The following ADAMTSL3 variants were observed in gnomAD, a reference collection of about 807,000 sequenced individuals.
The protein encoded by ADAMTSL3 is ADAMTS-like protein 3.
A neutral mutation model predicts 201.7 loss-of-function variants in ADAMTSL3; 128 were observed. The ratio of observed to expected loss-of-function variants is 0.63; its 90% CI spans 0.55 to 0.73. The LOEUF is 0.73. ADAMTSL3 is among the 30% of genes least tolerant of loss of function. ADAMTSL3 has a pLI of 0.00. For missense variants in ADAMTSL3, 1,990 were observed against 2,119.6 expected, an observed-to-expected ratio of 0.94 and a Z score of 1.20; for synonymous variants, 738 against 748.4, an observed-to-expected ratio of 0.99 and a Z score of 0.23.
intron 4 of ADAMTSL3, among the ~76,000 whole-genome samples, chr15:83,792,207 A>G (rs1198815804): frequency 6.6e-6 from 1 of 152,226 alleles, no homozygotes; most frequent in Non-Finnish European, 1.5e-5. Flanking sequence ...AAGGACCCAA[A>G]TAGACATTTC....
chr15:83,772,950 T>C (rs1391063714), intron 3 of ADAMTSL3, among the ~76,000 whole-genome samples: 1 of 152,176 alleles, frequency 6.6e-6, no homozygotes, highest in Non-Finnish European at 1.5e-5. Context: ...AATAATATAA[T>C]TGATATTTAG....
At chr15:83,890,399 A>G in intron 11 of ADAMTSL3, 152 bp downstream of exon 11, 1 of 988,234 alleles carries the variant, frequency 1.0e-6, no homozygotes, top group Non-Finnish European at 1.5e-6. Flanking sequence ...ACTATGGTGC[A>G]TAGGAATTAG....
intron 3 of ADAMTSL3, among the ~76,000 whole-genome samples, chr15:83,705,620 T>C (rs2061839542): frequency 6.6e-6 from 1 of 151,892 alleles, no homozygotes; most frequent in African/African-American, 2.4e-5. Context: ...AGAGCATCAG[T>C]GGCTGATGCA....
chr15:83,884,338 C>CTT (rs35308485), intron 9 of ADAMTSL3, among the ~76,000 whole-genome samples: 93 of 114,434 alleles, frequency 8.1e-4, no homozygotes, highest in Non-Finnish European at 1.3e-3. Flanking sequence ...GCCCTATTTC[C>CTT]TTTTTTTTTT....
chr15:83,657,601 G>A (rs2061106017), intron 2 of ADAMTSL3, among the ~76,000 whole-genome samples: 1 of 152,242 alleles, frequency 6.6e-6, no homozygotes, highest in Non-Finnish European at 1.5e-5. Flanking sequence ...GTGGAAAAAA[G>A]TGAAAAACCA....
chr15:84,037,162 T>TG (rs1451808357), intron 29 of ADAMTSL3, among the ~76,000 whole-genome samples, 175 bp downstream of exon 29: 1 of 152,106 alleles, frequency 6.6e-6, no homozygotes, highest in Non-Finnish European at 1.5e-5. Context: ...CTCCTTTATG[T>TG]GGGTGCAGCT....
chr15:83,808,583 T>TA (rs1313541089), intron 5 of ADAMTSL3, among the ~76,000 whole-genome samples: 2 of 152,084 alleles, frequency 1.3e-5, no homozygotes, highest in African/African-American at 4.8e-5. Context: ...CCTCAAAATT[T>TA]AAAAAATAGA....
intron 16 of ADAMTSL3, among the ~76,000 whole-genome samples, chr15:83,922,614 A>G (rs963440858): frequency 2.0e-5 from 3 of 152,242 alleles, no homozygotes; most frequent in Admixed American, 6.5e-5. Context: ...CACGTTAGCC[A>G]ATGTTTATTT....
chr15:83,909,597 C>T (rs191813699), intron 15 of ADAMTSL3, among the ~76,000 whole-genome samples: 1 of 152,078 alleles, frequency 6.6e-6, no homozygotes, highest in Admixed American at 6.6e-5. Context: ...ATTTAAAGTG[C>T]ACCATCAATG....
intron 19 of ADAMTSL3, among the ~76,000 whole-genome samples, chr15:83,955,152 G>A (rs1014192772): frequency 6.6e-6 from 1 of 152,224 alleles, no homozygotes; most frequent in African/African-American, 2.4e-5. Context: ...CTTTCTGAGA[G>A]CCAGGGATTT....
At chr15:84,006,002 T>A (rs1222388538) in intron 23 of ADAMTSL3, among the ~76,000 whole-genome samples, 1 of 152,144 alleles carries the variant, frequency 6.6e-6, no homozygotes, top group Non-Finnish European at 1.5e-5. Flanking sequence ...AAAGCATACA[T>A]AACGTATTTT....
At chr15:83,900,261 G>A (rs773300497) in intron 15 of ADAMTSL3, among the ~76,000 whole-genome samples, 72 of 152,292 alleles carry the variant, frequency 4.7e-4, no homozygotes, top group Admixed American at 9.2e-4. Flanking sequence ...TATAAAAGGA[G>A]CAGGTTGGGC....
At chr15:83,789,195 CAGG>C (rs1344484820) in intron 4 of ADAMTSL3, among the ~76,000 whole-genome samples, 2 of 152,140 alleles carry the variant, frequency 1.3e-5, no homozygotes, top group African/African-American at 4.8e-5. Flanking sequence ...CCCTGCCTTC[CAGG>C]AGATTTATCT....
chr15:83,829,176 G>A lies in ADAMTSL3; in HGVS notation c.601-8913G>A, dbSNP rs1192078108. The stretch of plus-strand genomic sequence containing the variant: ...GGTCCTGGACTTTTTTTGGTTGGTA[G>A]GCTATTAATTATTGCCTCAATTTCA... On this transcript the variant is annotated intron_variant, in intron 6 of 29. Coordinates refer to ENST00000286744, the MANE Select transcript of ADAMTSL3 (RefSeq NM_207517.3). Among the ~76,000 whole-genome samples, 5 of 152,052 alleles carry A rather than the reference G, an allele frequency of 3.3e-5. 1 individual carries two copies. The highest frequency in any genetic ancestry group is 7.4e-5 in the Non-Finnish European group (5 of 67,978).
chr15:83,885,781 G>A (rs1209027695), intron 10 of ADAMTSL3, among the ~76,000 whole-genome samples: 2 of 151,724 alleles, frequency 1.3e-5, no homozygotes, highest in African/African-American at 2.4e-5. Context: ...CTGGAGTGCC[G>A]TGGCCAAATC....
chr15:83,749,971 G>A (rs1326916741), intron 3 of ADAMTSL3, among the ~76,000 whole-genome samples: 3 of 152,150 alleles, frequency 2.0e-5, no homozygotes, highest in East Asian at 1.9e-4. Context: ...TGATCTGTTC[G>A]TTTGTGTTCC....
At chr15:83,728,223 C>A (rs747441187) in intron 3 of ADAMTSL3, among the ~76,000 whole-genome samples, 33 of 151,442 alleles carry the variant, frequency 2.2e-4, no homozygotes, top group Admixed American at 6.6e-5. Flanking sequence ...CTTTTTTCAT[C>A]CCTTTTTTTC....
chr15:83,704,483 T>C lies in ADAMTSL3; in HGVS notation c.164T>C (p.Phe55Ser). 1 of 1,614,190 alleles carries C rather than the reference T, an allele frequency of 6.2e-7. No homozygotes were observed. The highest frequency in any genetic ancestry group is 1.6e-4 in the Middle Eastern group (1 of 6,062). Residue 55 changes from phenylalanine (F) to serine (S), a missense_variant, in exon 3 of 30, where the codon TTC (phenylalanine) becomes TCC (serine). Physicochemically the swap from Phe to Ser is radical, Grantham distance 155. Coordinates refer to ENST00000286744, the MANE Select transcript of ADAMTSL3 (RefSeq NM_207517.3). The part of the protein sequence containing the change: ...SFLEDTTGEQ[F>S]LTYRYDDQTS... The stretch of plus-strand genomic sequence containing the variant: ...CTGGAAGACACAACAGGGGAGCAGT[T>C]CCTCACTTATCGCTATGATGACCAG...
intron 8 of ADAMTSL3, among the ~76,000 whole-genome samples, chr15:83,866,502 C>A (rs1339228703): frequency 6.6e-6 from 1 of 151,840 alleles, no homozygotes; most frequent in Non-Finnish European, 1.5e-5. Context: ...AGCAAACTAT[C>A]ACAAGGACAA....
Sources: gnomAD v4.1 joint callset for allele counts (sites outside exome capture counted in the v4.1 genomes callset) on GRCh38, gnomAD v4.1.1 for gene constraint, MANE v1.5 for transcripts, NCBI Gene and HGNC (gene_info 2026-07-23, HGNC 2026-07-21) for gene names.